GRIK1: variants seen among roughly 807,000 people sequenced by gnomAD.
GRIK1 encodes the protein glutamate ionotropic receptor kainate type subunit 1.
Under a neutral mutation model 105.7 loss-of-function variants are expected in GRIK1, and 69 were observed. The observed-to-expected ratio is 0.65, with a 90% CI of 0.54 to 0.80. The LOEUF is 0.80. GRIK1 is among the 30% of genes least tolerant of loss of function. The pLI, the probability that GRIK1 is intolerant of heterozygous loss-of-function variation, is 0.00. For synonymous variants in GRIK1, 438 were observed against 431.3 expected (o/e 1.02, Z -0.19); for missense variants, 1,109 against 1,167.3 (o/e 0.95, Z 0.73).
At chr21:29,909,574 A>C (rs906274500) in intron 1 of GRIK1, among the ~76,000 whole-genome samples, 2 of 152,198 alleles carry the variant, frequency 1.3e-5, no homozygotes, top group Non-Finnish European at 2.9e-5. Context: ...TAAACTCAGC[A>C]CATTTTAACA....
chr21:29,730,001 T>C (rs1169437965), intron 1 of GRIK1, among the ~76,000 whole-genome samples: 1 of 152,174 alleles, frequency 6.6e-6, no homozygotes, highest in Admixed American at 6.5e-5. Context: ...TTCGACACTA[T>C]TATAGCAAAC....
chr21:29,599,023 T>G (rs1601225737), intron 7 of GRIK1, 86 bp from the exon 8 acceptor site: 1 of 655,254 alleles, frequency 1.5e-6, no homozygotes, highest in Non-Finnish European at 2.7e-6. Context: ...CTCAAATTCA[T>G]CACAGTATCC....
intron 1 of GRIK1, among the ~76,000 whole-genome samples, chr21:29,906,017 A>T (rs934640370): frequency 2.7e-4 from 41 of 152,026 alleles, no homozygotes; most frequent in African/African-American, 8.9e-4. Flanking sequence ...GGGGTGGTGT[A>T]ATTTTTTTGA....
At chr21:29,897,796 C>T (rs937697801) in intron 1 of GRIK1, among the ~76,000 whole-genome samples, 3 of 152,176 alleles carry the variant, frequency 2.0e-5, no homozygotes, top group Admixed American at 6.5e-5. Flanking sequence ...ATAATAATTC[C>T]CACTTCATTG....
intron 15 of GRIK1, among the ~76,000 whole-genome samples, chr21:29,561,170 T>A (rs1383221443): frequency 6.6e-6 from 1 of 152,196 alleles, no homozygotes; most frequent in Non-Finnish European, 1.5e-5. Flanking sequence ...CTTTTTCTTT[T>A]GACTGATATA....
chr21:29,878,963 C>A (rs546106045), intron 1 of GRIK1, among the ~76,000 whole-genome samples: 1 of 152,276 alleles, frequency 6.6e-6, no homozygotes, highest in South Asian at 2.1e-4. Flanking sequence ...ATGAGAAATA[C>A]ATTTCTATTG....
At chr21:29,563,400 G>A (rs2090532778) in intron 14 of GRIK1, among the ~76,000 whole-genome samples, 1 of 152,008 alleles carries the variant, frequency 6.6e-6, no homozygotes, top group African/African-American at 2.4e-5. Flanking sequence ...CCCTGAGAAA[G>A]GTCTTGTGAG....
chr21:29,814,545 G>T (rs1400853680), intron 1 of GRIK1, among the ~76,000 whole-genome samples: 1 of 152,032 alleles, frequency 6.6e-6, no homozygotes, highest in Non-Finnish European at 1.5e-5. Context: ...ACTAGGAGGA[G>T]ATAAAGTTGT....
intron 1 of GRIK1, among the ~76,000 whole-genome samples, chr21:29,913,320 A>C (rs2070882784): frequency 6.6e-6 from 1 of 152,062 alleles, no homozygotes; most frequent in Admixed American, 6.6e-5. Context: ...AAAATGGATA[A>C]CTCTGTAAAG....
intron 1 of GRIK1, among the ~76,000 whole-genome samples, chr21:29,857,498 A>T (rs972367208): frequency 4.6e-5 from 7 of 152,228 alleles, no homozygotes; most frequent in African/African-American, 1.7e-4. Context: ...TCTGTCTGGG[A>T]AATAACAATG....
intron 1 of GRIK1, among the ~76,000 whole-genome samples, chr21:29,707,772 G>A (rs78485625): frequency 0.023 from 3,513 of 151,892 alleles, 130 homozygotes; most frequent in East Asian, 0.1. Context: ...GTAAACCACC[G>A]CGCCTGGCCT....
intron 1 of GRIK1, among the ~76,000 whole-genome samples, chr21:29,710,903 T>C (rs2064034517): frequency 6.6e-6 from 1 of 151,012 alleles, no homozygotes; most frequent in South Asian, 2.1e-4. Flanking sequence ...CTTTCTTCTT[T>C]CCTTCCAGCA....
chr21:29,570,843 C>CTT (rs34929553), intron 14 of GRIK1, among the ~76,000 whole-genome samples: 7,274 of 146,016 alleles, frequency 0.05, 446 homozygotes, highest in African/African-American at 0.14. Flanking sequence ...CTTAGAGTTG[C>CTT]TTTTTTTTTT....
chr21:29,834,584 G>A (rs1457746557), intron 1 of GRIK1, among the ~76,000 whole-genome samples: 1 of 150,556 alleles, frequency 6.6e-6, no homozygotes, highest in Admixed American at 6.6e-5. Context: ...TTGAATTCTG[G>A]CAGAGCTGGA....
At chr21:29,747,805 G>A (rs1179687871) in intron 1 of GRIK1, among the ~76,000 whole-genome samples, 1 of 152,182 alleles carries the variant, frequency 6.6e-6, no homozygotes, top group Non-Finnish European at 1.5e-5. Flanking sequence ...CTTCAGCCTG[G>A]CGACAGAGCA....
intron 2 of GRIK1, among the ~76,000 whole-genome samples, chr21:29,693,251 G>T (rs1188934400): frequency 1.3e-5 from 2 of 152,174 alleles, no homozygotes; most frequent in African/African-American, 4.8e-5. Flanking sequence ...TTGTCTAGAA[G>T]ATGTCTAAGC....
intron 1 of GRIK1, among the ~76,000 whole-genome samples, chr21:29,933,762 C>T (rs1308492410): frequency 2.0e-5 from 3 of 151,984 alleles, no homozygotes; most frequent in African/African-American, 7.2e-5. Flanking sequence ...TGGAGGGTAA[C>T]AAATTAAATA....
chr21:29,770,584 T>C (rs1461239953), intron 1 of GRIK1, among the ~76,000 whole-genome samples: 3 of 152,226 alleles, frequency 2.0e-5, no homozygotes, highest in African/African-American at 7.2e-5. Context: ...CCCAAACCCA[T>C]ATACTCCCAA....
At chr21:29,596,670 C>G in intron 8 of GRIK1, 100 bp from the exon 9 acceptor site, 1 of 831,550 alleles carries the variant, frequency 1.2e-6, no homozygotes, top group South Asian at 1.3e-5. Flanking sequence ...TAGAGTGTTA[C>G]AGTTCCCACC....
Sources: gnomAD v4.1 joint callset for allele counts (sites outside exome capture counted in the v4.1 genomes callset) on GRCh38, gnomAD v4.1.1 for gene constraint, MANE v1.5 for transcripts, NCBI Gene and HGNC (gene_info 2026-07-23, HGNC 2026-07-21) for gene names.